PTPRD: variants seen among roughly 807,000 people sequenced by gnomAD.
PTPRD encodes protein tyrosine phosphatase receptor type D, also known as receptor-type tyrosine-protein phosphatase delta.
A neutral mutation model predicts 214.5 loss-of-function variants in PTPRD; 34 were observed. The observed-to-expected ratio is 0.16, with a 90% CI of 0.12 to 0.21. PTPRD has a LOEUF of 0.21. Ranked by LOEUF, PTPRD falls within the 10% of genes least tolerant of loss-of-function variation. PTPRD has a pLI of 1.00. For synonymous variants in PTPRD, 1,128 were observed against 845.7 expected (o/e 1.33, Z -5.79); for missense variants, 2,545 against 2,398.7 (o/e 1.06, Z -1.27).
intron 39 of PTPRD, among the ~76,000 whole-genome samples, chr9:8,348,110 A>C (rs772560806): frequency 6.6e-6 from 1 of 152,192 alleles, no homozygotes; most frequent in Non-Finnish European, 1.5e-5. Context: ...CATCGGCTGA[A>C]AGGCAGTGAG....
At chr9:10,418,250 A>G (rs893084437) in intron 2 of PTPRD, among the ~76,000 whole-genome samples, 1 of 151,894 alleles carries the variant, frequency 6.6e-6, no homozygotes, top group African/African-American at 2.4e-5. Flanking sequence ...CTCAAGACAA[A>G]TATAATAGCA....
chr9:10,146,932 G>A (rs1271229124), intron 3 of PTPRD, among the ~76,000 whole-genome samples: 3 of 152,138 alleles, frequency 2.0e-5, no homozygotes, highest in African/African-American at 7.2e-5. Context: ...GCTGCTGACA[G>A]AGACAGTTGA....
chr9:9,379,489 C>T (rs148800945), intron 9 of PTPRD, among the ~76,000 whole-genome samples: 1 of 151,908 alleles, frequency 6.6e-6, no homozygotes, highest in African/African-American at 2.4e-5. Flanking sequence ...CAACTTTGTT[C>T]TTCTCCTTCA....
intron 3 of PTPRD, among the ~76,000 whole-genome samples, chr9:10,205,555 G>A (rs1035196263): frequency 1.3e-5 from 2 of 151,858 alleles, no homozygotes; most frequent in East Asian, 1.9e-4. Flanking sequence ...ACAGGTGTAA[G>A]CCACCACACC....
chr9:8,319,432 C>T (rs1468887023), intron 45 of PTPRD, among the ~76,000 whole-genome samples: 1 of 151,944 alleles, frequency 6.6e-6, no homozygotes, highest in African/African-American at 2.4e-5. Context: ...GCTGATACCT[C>T]TGTAGGCATA....
chr9:8,503,260 CA>C (rs2097455418), intron 23 of PTPRD, among the ~76,000 whole-genome samples: 1 of 152,056 alleles, frequency 6.6e-6, no homozygotes, highest in African/African-American at 2.4e-5. Flanking sequence ...TTTTAAATCA[CA>C]AATTTCATGT....
chr9:9,907,619 C>A (rs1014761598), intron 5 of PTPRD, among the ~76,000 whole-genome samples: 2 of 151,960 alleles, frequency 1.3e-5, no homozygotes, highest in East Asian at 3.9e-4. Context: ...AAAGCTCTAT[C>A]TCCGAATAAA....
chr9:8,587,335 T>C (rs1362862097), intron 14 of PTPRD, among the ~76,000 whole-genome samples: 2 of 152,198 alleles, frequency 1.3e-5, no homozygotes, highest in Non-Finnish European at 2.9e-5. Flanking sequence ...ATTTTATATT[T>C]TAATAATTTT....
chr9:9,454,032 A>G (rs1401017398), intron 8 of PTPRD, among the ~76,000 whole-genome samples: 1 of 151,466 alleles, frequency 6.6e-6, no homozygotes, highest in East Asian at 1.9e-4. Context: ...CCCTTTTTAT[A>G]TTTTCCTTAT....
intron 9 of PTPRD, among the ~76,000 whole-genome samples, chr9:9,245,395 T>G (rs1208487400): frequency 6.6e-6 from 1 of 151,994 alleles, no homozygotes; most frequent in Non-Finnish European, 1.5e-5. Flanking sequence ...ATAGACTGGA[T>G]TAAGAAAATG....
intron 3 of PTPRD, among the ~76,000 whole-genome samples, chr9:10,228,868 C>A (rs2154354432): frequency 6.6e-6 from 1 of 151,674 alleles, no homozygotes; most frequent in South Asian, 2.1e-4. Context: ...TAAAATGCTG[C>A]TAGCTTTATG....
At chr9:8,923,441 A>T (rs996921529) in intron 11 of PTPRD, among the ~76,000 whole-genome samples, 1 of 152,024 alleles carries the variant, frequency 6.6e-6, no homozygotes, top group South Asian at 2.1e-4. Context: ...CTAAGCCCCA[A>T]CCACACTCCA....
At chr9:10,241,403 G>C (rs1029746114) in intron 3 of PTPRD, among the ~76,000 whole-genome samples, 1 of 151,890 alleles carries the variant, frequency 6.6e-6, no homozygotes, top group African/African-American at 2.4e-5. Context: ...GTAAATAAAC[G>C]TTCATAGAAG....
chr9:8,485,694 T>C (rs1042506888), intron 28 of PTPRD, 68 bp downstream of exon 28: 8 of 1,384,446 alleles, frequency 5.8e-6, no homozygotes, highest in Non-Finnish European at 7.8e-6. Flanking sequence ...TATTATAGCT[T>C]CAAAATACTG....
chr9:8,619,592 T>C lies in PTPRD; in HGVS notation c.352+13725A>G, dbSNP rs181852542. ...TATGTCTTCTTTAATGCCTTTTTAATGCATTTTATTTTTCACAACCATTCA... is the reference window on the plus strand; with the variant it reads ...TATGTCTTCTTTAATGCCTTTTTAACGCATTTTATTTTTCACAACCATTCA... On this transcript the variant is annotated intron_variant, in intron 14 of 45. Transcript: ENST00000381196. 2.5e-4 allele frequency among the ~76,000 whole-genome samples: 38 copies of C among 152,182 alleles called. No homozygotes were observed. In the East Asian group the frequency reaches 6.6e-3, roughly 26 times the overall value.
intron 37 of PTPRD, among the ~76,000 whole-genome samples, chr9:8,379,255 T>C (rs777007604): frequency 4.6e-5 from 7 of 152,150 alleles, no homozygotes; most frequent in Non-Finnish European, 1.0e-4. Flanking sequence ...TGCACACACA[T>C]GGCCTCAGCA....
At chr9:10,035,611 A>G (rs117583572) in intron 3 of PTPRD, among the ~76,000 whole-genome samples, 10 of 151,676 alleles carry the variant, frequency 6.6e-5, no homozygotes, top group South Asian at 2.1e-4. Flanking sequence ...TTACTTCCCT[A>G]TCTAGGTTGA....
chr9:9,440,529 G>C (rs1421005085), intron 8 of PTPRD, among the ~76,000 whole-genome samples: 3 of 152,154 alleles, frequency 2.0e-5, no homozygotes, highest in Admixed American at 2.0e-4. Context: ...ATATCTCTTA[G>C]GCAGAAAGTG....
intron 11 of PTPRD, among the ~76,000 whole-genome samples, chr9:8,895,175 A>G (rs1160067208): frequency 6.6e-6 from 1 of 152,204 alleles, no homozygotes; most frequent in East Asian, 1.9e-4. Context: ...ATTTTTAAAC[A>G]TGGGGATTTG....
Sources: allele counts gnomAD v4.1 joint callset (sites outside exome capture counted in the v4.1 genomes callset), GRCh38; gene constraint gnomAD v4.1.1; transcripts MANE v1.5; gene names NCBI Gene and HGNC (gene_info 2026-07-23, HGNC 2026-07-21).